Variants in NFIB observed in about 807,000 individuals in gnomAD.
NFIB encodes nuclear factor I B, also known as nuclear factor 1 B-type.
In NFIB, 11 loss-of-function variants were observed where a neutral mutation model predicts 61.5. The observed-to-expected ratio is 0.18, with a 90% CI of 0.11 to 0.30. The LOEUF is 0.30. NFIB is among the 10% of genes least tolerant of loss of function. The pLI, the probability that NFIB is intolerant of heterozygous loss-of-function variation, is 1.00. For missense variants in NFIB, 471 were observed against 608.9 expected, an observed-to-expected ratio of 0.77 and a Z score of 2.38; for synonymous variants, 260 against 216.5, an observed-to-expected ratio of 1.20 and a Z score of -1.76.
intron 4 of NFIB, among the ~76,000 whole-genome samples, chr9:14,150,911 CT>C (rs2042799057): frequency 6.6e-6 from 1 of 151,984 alleles, no homozygotes; most frequent in African/African-American, 2.4e-5. Context: ...CATTGTATGT[CT>C]TTATCAAAAT....
At chr9:14,170,084 CT>C (rs1297546201) in intron 3 of NFIB, among the ~76,000 whole-genome samples, 2 of 152,144 alleles carry the variant, frequency 1.3e-5, no homozygotes, top group African/African-American at 4.8e-5. Flanking sequence ...AAACATTATG[CT>C]TAAATATACA....
At chr9:14,244,525 G>A (rs374762830) in intron 2 of NFIB, among the ~76,000 whole-genome samples, 4 of 152,178 alleles carry the variant, frequency 2.6e-5, no homozygotes, top group East Asian at 1.9e-4. Context: ...AAGCTTTACC[G>A]ATAACTTTAA....
chr9:14,216,542 CCCTCTGTG>C (rs1464148877), intron 2 of NFIB, among the ~76,000 whole-genome samples: 3 of 29,460 alleles, frequency 1.0e-4, no homozygotes, highest in East Asian at 1.4e-3. Flanking sequence ...CTCTCTCTCT[CCCTCTGTG>C]TGTGTGTGTG....
At chr9:14,205,344 G>A (rs941428277) in intron 2 of NFIB, among the ~76,000 whole-genome samples, 3 of 147,886 alleles carry the variant, frequency 2.0e-5, no homozygotes, top group Non-Finnish European at 4.5e-5. Context: ...GACACTGCAT[G>A]GAACTAAAAA....
chr9:14,412,996 C>T, the NFIB span, among the ~76,000 whole-genome samples: 1 of 152,290 alleles, frequency 6.6e-6, no homozygotes, highest in Admixed American at 6.5e-5. Context: ...CCTCCTCCTT[C>T]CCTCAAATCA....
chr9:14,122,683 C>A (rs113785135), intron 7 of NFIB, among the ~76,000 whole-genome samples: 38 of 152,270 alleles, frequency 2.5e-4, no homozygotes, highest in Non-Finnish European at 4.4e-4. Flanking sequence ...ATGATTTTTG[C>A]TCACATCTGT....
chr9:14,198,240 A>G (rs909608467), intron 2 of NFIB, among the ~76,000 whole-genome samples: 11 of 152,214 alleles, frequency 7.2e-5, no homozygotes, highest in African/African-American at 2.4e-4. Context: ...TCCAAGGAGC[A>G]TGATTCACAG....
chr9:14,526,860 C>G, the NFIB span, among the ~76,000 whole-genome samples: 4 of 152,168 alleles, frequency 2.6e-5, no homozygotes, highest in Admixed American at 6.5e-5. Context: ...GAACACGACC[C>G]TTTGCTTCCA....
chr9:14,396,119 T>C (rs1380087645), intron 1 of NFIB, among the ~76,000 whole-genome samples: 1 of 152,174 alleles, frequency 6.6e-6, no homozygotes, highest in African/African-American at 2.4e-5. Flanking sequence ...CAATAAATAA[T>C]AGCTCTCGCA....
At chr9:14,162,117 A>G (rs2044268369) in intron 3 of NFIB, among the ~76,000 whole-genome samples, 1 of 152,158 alleles carries the variant, frequency 6.6e-6, no homozygotes, top group Non-Finnish European at 1.5e-5. Context: ...AAAAATCAGA[A>G]CATTCATAAA....
chr9:14,441,364 T>C, the NFIB span, among the ~76,000 whole-genome samples: 2 of 152,254 alleles, frequency 1.3e-5, no homozygotes, highest in South Asian at 2.1e-4. Flanking sequence ...TCTGCGCCGA[T>C]TTTAATTGCA....
the NFIB span, among the ~76,000 whole-genome samples, chr9:14,419,455 C>T: frequency 6.6e-6 from 1 of 152,188 alleles, no homozygotes; most frequent in Non-Finnish European, 1.5e-5. Flanking sequence ...GGGCCCACTT[C>T]ACCGGCATGT....
chr9:14,352,371 G>A (rs574357907), intron 1 of NFIB, among the ~76,000 whole-genome samples: 45 of 151,546 alleles, frequency 3.0e-4, no homozygotes, highest in Non-Finnish European at 4.7e-4. Context: ...ACCTGTCTCC[G>A]GGCTCAGCAC....
intron 1 of NFIB, among the ~76,000 whole-genome samples, chr9:14,347,626 G>C (rs963804745): frequency 7.1e-6 from 1 of 140,354 alleles, no homozygotes; most frequent in Non-Finnish European, 1.6e-5. Context: ...CAGCTCCCTA[G>C]GCGGTTGAAG....
chr9:14,178,554 C>T (rs1307819315), intron 3 of NFIB, among the ~76,000 whole-genome samples: 2 of 151,970 alleles, frequency 1.3e-5, no homozygotes, highest in East Asian at 3.9e-4. Flanking sequence ...GTGTATACTA[C>T]TTTTGTCAAC....
At chr9:14,257,325 A>G (rs2056316248) in intron 2 of NFIB, among the ~76,000 whole-genome samples, 1 of 152,238 alleles carries the variant, frequency 6.6e-6, no homozygotes, top group African/African-American at 2.4e-5. Context: ...AAAAACTGTG[A>G]AACACTGAAA....
chr9:14,473,319 A>C, the NFIB span, among the ~76,000 whole-genome samples: 1 of 152,224 alleles, frequency 6.6e-6, no homozygotes, highest in African/African-American at 2.4e-5. Flanking sequence ...CATTTGACAC[A>C]CGGTGAAGAT....
At chr9:14,304,826 T>C (rs1299678139) in intron 2 of NFIB, among the ~76,000 whole-genome samples, 3 of 152,162 alleles carry the variant, frequency 2.0e-5, no homozygotes, top group African/African-American at 2.4e-5. Context: ...AATTGCACTA[T>C]AAAATGACAT....
the NFIB span, among the ~76,000 whole-genome samples, chr9:14,431,197 C>A: frequency 6.6e-6 from 1 of 152,140 alleles, no homozygotes; most frequent in Admixed American, 6.5e-5. Flanking sequence ...CCAATGTCAG[C>A]AAACTCTTTG....
Sources: allele counts gnomAD v4.1 joint callset (sites outside exome capture counted in the v4.1 genomes callset), GRCh38; gene constraint gnomAD v4.1.1; transcripts MANE v1.5; gene names NCBI Gene and HGNC (gene_info 2026-07-23, HGNC 2026-07-21).